Variants in NYAP2 observed in about 807,000 individuals in gnomAD.
NYAP2 encodes neuronal tyrosine-phosphorylated phosphoinositide-3-kinase adaptor 2, also known as neuronal tyrosine-phosphorylated phosphoinositide-3-kinase adapter 2.
A neutral mutation model predicts 50.4 loss-of-function variants in NYAP2; 23 were observed. That is an observed-to-expected ratio of 0.46 (90% CI 0.33 to 0.65). NYAP2 has a LOEUF of 0.65. NYAP2 is among the 30% of genes least tolerant of loss of function. The pLI is 0.02. For synonymous variants in NYAP2, 394 were observed against 365.2 expected (o/e 1.08, Z -0.90); for missense variants, 885 against 861.0 (o/e 1.03, Z -0.35).
intron 3 of NYAP2, among the ~76,000 whole-genome samples, chr2:225,415,442 A>T (rs558022015): frequency 6.6e-6 from 1 of 152,314 alleles, no homozygotes; most frequent in Non-Finnish European, 1.5e-5. Context: ...TGACTACTTT[A>T]CCCAAAGACA....
At position 225,582,637 on chromosome 2, in the gene NYAP2, C is replaced by T. The variant is rs773800325; in HGVS notation, c.1220C>T (p.Thr407Ile). The change falls in exon 5 of 7, where the codon ACC (threonine) becomes ATC (isoleucine). Residue 407 changes from threonine to isoleucine, a missense_variant. Coordinates refer to ENST00000636099, the Ensembl canonical transcript of NYAP2. The surrounding 1 kb of genome is among the most constrained non-coding windows in gnomAD (Gnocchi z 7.0). ...GCGGCCCTGGGACCTGCCTCTGCCA[C>T]CCCTGCGCTCTCCTCGTCGCCCCCA... The T allele has an allele frequency of 3.3e-5, 53 of 1,596,706 alleles. No individual in the cohort carries two copies. In the Admixed American group the frequency reaches 8.8e-4, roughly 26 times the overall value.
Position 225,592,296 on chromosome 2 carries a change from C to T in NYAP2, c.1618+9261C>T, listed in dbSNP as rs79365163. ...AACTATGCAGTAGTTTGGCCCATGGCTACTCCAAGGGGAAAAATAGTTGAT... is the reference window on the plus strand; with the variant it reads ...AACTATGCAGTAGTTTGGCCCATGGTTACTCCAAGGGGAAAAATAGTTGAT... On this transcript the variant is annotated intron_variant, in intron 5 of 6. Coordinates refer to ENST00000636099, the Ensembl canonical transcript of NYAP2. Among the ~76,000 whole-genome samples, 624 of 152,242 alleles carry T rather than the reference C, an allele frequency of 4.1e-3. 8 individuals carry two copies. Among genetic ancestry groups the T allele is most frequent in the African/African-American group, 0.014 (595 of 41,536 alleles).
chr2:225,512,877 C>A (rs1307400941), intron 3 of NYAP2, among the ~76,000 whole-genome samples: 50 of 127,346 alleles, frequency 3.9e-4, no homozygotes, highest in African/African-American at 1.4e-3. Context: ...TCCTTCCTTC[C>A]TTCCTTCCTT....
chr2:225,646,344 G>T (rs1254100112), intron 6 of NYAP2, among the ~76,000 whole-genome samples: 1 of 152,198 alleles, frequency 6.6e-6, no homozygotes, highest in Admixed American at 6.5e-5. Flanking sequence ...GTGAGGTCGG[G>T]AGTTTGAGAC....
intron 4 of NYAP2, among the ~76,000 whole-genome samples, chr2:225,577,115 C>T (rs1692181783): frequency 6.6e-6 from 1 of 152,108 alleles, no homozygotes; most frequent in South Asian, 2.1e-4. Context: ...GGAAGATCAT[C>T]TGGGCATGAC....
chr2:225,505,272 T>C (rs1264496645), intron 3 of NYAP2, among the ~76,000 whole-genome samples: 1 of 152,066 alleles, frequency 6.6e-6, no homozygotes, highest in East Asian at 1.9e-4. Context: ...CTTAAAATAT[T>C]AGGTGCATAA....
chr2:225,629,607 A>G (rs1364147849), intron 6 of NYAP2, among the ~76,000 whole-genome samples: 1 of 152,202 alleles, frequency 6.6e-6, no homozygotes, highest in African/African-American at 2.4e-5. Context: ...TGAGAAGTTC[A>G]AGAAGCATGG....
At position 225,597,627 on chromosome 2, in the gene NYAP2, A is replaced by C. The variant is rs1404875033; in HGVS notation, c.1618+14592A>C. 4.7e-5 allele frequency among the ~76,000 whole-genome samples: 7 copies of C among 148,834 alleles called. No individual in the cohort carries two copies. The East Asian group carries it at 1.2e-3, about 25-fold the overall frequency. On this transcript the variant is annotated intron_variant, in intron 5 of 6. Coordinates refer to ENST00000636099, the Ensembl canonical transcript of NYAP2. ...ATTGTGCTGCTATAAACATGTGTGCACAAGTATCTTTTTTGTATAATGACT... is the reference window on the plus strand; with the variant it reads ...ATTGTGCTGCTATAAACATGTGTGCCCAAGTATCTTTTTTGTATAATGACT...
At chr2:225,594,564 A>G (rs1414795842) in intron 5 of NYAP2, among the ~76,000 whole-genome samples, 1 of 152,170 alleles carries the variant, frequency 6.6e-6, no homozygotes, top group African/African-American at 2.4e-5. Flanking sequence ...CAAATAGGTC[A>G]TTTAACATCT....
intron 4 of NYAP2, among the ~76,000 whole-genome samples, chr2:225,523,888 C>A (rs1017388455): frequency 6.6e-6 from 1 of 151,916 alleles, no homozygotes; most frequent in Non-Finnish European, 1.5e-5. Flanking sequence ...AATAGAGAAC[C>A]CAGAAATAAA....
Position 225,521,668 on chromosome 2 carries a change from C to T in NYAP2, c.523+7996C>T, listed in dbSNP as rs1311674982. ...AAGCTTTTTGATGTGCTGCTGGATT[C>T]GGTTTGCCAGTATTTTATTGAGGAT... On this transcript the variant is annotated intron_variant, in intron 4 of 6. Transcript: ENST00000636099. 5.7e-3 allele frequency among the ~76,000 whole-genome samples: 869 copies of T among 151,412 alleles called. 7 individuals are homozygous for T. Among genetic ancestry groups the T allele is most frequent in the African/African-American group, 0.02 (808 of 41,348 alleles).
At chr2:225,419,972 A>T (rs1454866765) in intron 3 of NYAP2, among the ~76,000 whole-genome samples, 1 of 152,212 alleles carries the variant, frequency 6.6e-6, no homozygotes, top group Non-Finnish European at 1.5e-5. Flanking sequence ...TTCCTAAAAT[A>T]CTTAAAATTA....
At chr2:225,645,491 T>C (rs1191101566) in intron 6 of NYAP2, among the ~76,000 whole-genome samples, 3 of 151,658 alleles carry the variant, frequency 2.0e-5, no homozygotes, top group African/African-American at 7.3e-5. Flanking sequence ...TCCACTGCCT[T>C]TCTCTCTCTC....
chr2:225,695,146 C>A, the NYAP2 span, among the ~76,000 whole-genome samples: 10 of 151,454 alleles, frequency 6.6e-5, no homozygotes, highest in Non-Finnish European at 7.4e-5. Flanking sequence ...CTGCTTGACA[C>A]AAAATACATA....
chr2:225,625,044 A>T (rs867884988), intron 5 of NYAP2, among the ~76,000 whole-genome samples: 195 of 6,838 alleles, frequency 0.029, 2 homozygotes, highest in African/African-American at 0.091. Context: ...ACCCAAGCGT[A>T]AAAAAAAAAA....
rs370781548 is a variant in NYAP2, at chr2:225,443,829, G to A, written c.221+34728G>A. 2.0e-5 allele frequency among the ~76,000 whole-genome samples: 3 copies of A among 152,262 alleles called. No homozygotes were observed. The East Asian group carries it at 5.8e-4, about 29-fold the overall frequency. On this transcript the variant is annotated intron_variant, in intron 3 of 6. Coordinates refer to ENST00000636099, the Ensembl canonical transcript of NYAP2. The stretch of plus-strand genomic sequence containing the variant: ...CCTTTCCCTGTGGACTAGTAAAGTA[G>A]TTTTATGAGACACCTGTCAAGACTT...
At chr2:225,523,202 T>C (rs934911020) in intron 4 of NYAP2, among the ~76,000 whole-genome samples, 2 of 151,890 alleles carry the variant, frequency 1.3e-5, no homozygotes, top group Non-Finnish European at 2.9e-5. Flanking sequence ...TAAAAGACTA[T>C]TCCTGGAAGT....
intron 5 of NYAP2, among the ~76,000 whole-genome samples, chr2:225,610,768 G>T (rs1293766884): frequency 6.6e-6 from 1 of 152,048 alleles, no homozygotes; most frequent in Non-Finnish European, 1.5e-5. Context: ...GAAATGGGGG[G>T]AAAGTCACCC....
At chr2:225,611,859 T>G (rs116177970) in intron 5 of NYAP2, among the ~76,000 whole-genome samples, 1,981 of 147,380 alleles carry the variant, frequency 0.013, 20 homozygotes, top group Middle Eastern at 0.024. Context: ...AGTATATATA[T>G]AGAGAGAGAT....
Sources: allele counts gnomAD v4.1 joint callset (sites outside exome capture counted in the v4.1 genomes callset), GRCh38; gene constraint gnomAD v4.1.1; non-coding constraint Gnocchi (gnomAD v3.1); transcripts MANE v1.5; gene names NCBI Gene and HGNC (gene_info 2026-07-23, HGNC 2026-07-21).